The following COL18A1 variants were observed in gnomAD, a reference collection of about 807,000 sequenced individuals.
COL18A1 encodes collagen alpha-1(XVIII) chain.
Under a neutral mutation model 168.0 loss-of-function variants are expected in COL18A1, and 133 were observed. The ratio of observed to expected loss-of-function variants is 0.79; its 90% CI spans 0.69 to 0.91. The LOEUF is 0.91. Among genes scored for constraint, COL18A1 ranks in the 40% least tolerant of loss-of-function variants. The pLI is 0.00. For missense variants in COL18A1, 2,126 were observed against 1,925.4 expected, an observed-to-expected ratio of 1.10 and a Z score of -1.95; for synonymous variants, 949 against 809.0, an observed-to-expected ratio of 1.17 and a Z score of -2.94.
intron 2 of COL18A1, among the ~76,000 whole-genome samples, chr21:45,453,058 ATG>A (rs895831540): frequency 2.8e-4 from 43 of 151,866 alleles, no homozygotes; most frequent in African/African-American, 1.0e-3. Context: ...ATGTATGTAC[ATG>A]TGTGAGCTTG....
rs371774034 is a variant in COL18A1 at position 45,505,909 on chromosome 21, C to T, written c.3159C>T (p.Phe1053=). The T allele has an allele frequency of 1.1e-5, 18 of 1,612,868 alleles. No individual in the cohort carries two copies. The highest frequency in any genetic ancestry group is 5.5e-5 in the South Asian group (5 of 91,086). ...AGGTTCCCGAGGGCTGGCTCATCTT[C>T]GTGGCCGAGCAGGAGGAGCTCTACG... ...VHEVPEGWLI[F]VAEQEELYVR... is the part of the protein sequence containing the mutation. The change falls in exon 37 of 42, where the codon TTC becomes TTT. Residue 1053 remains phenylalanine (F), a synonymous_variant. Coordinates refer to ENST00000651438, the MANE Select transcript of COL18A1 (RefSeq NM_001379500.1).
chr21:45,501,360 C>G (rs79731198), intron 32 of COL18A1, among the ~76,000 whole-genome samples: 13 of 152,036 alleles, frequency 8.6e-5, no homozygotes, highest in Non-Finnish European at 1.8e-4. Context: ...GCGTCACCTG[C>G]GAAGGTCTCC....
At chr21:45,503,641 T>TG (rs922261574) in intron 32 of COL18A1, among the ~76,000 whole-genome samples, 46 of 54,872 alleles carry the variant, frequency 8.4e-4, no homozygotes, top group Non-Finnish European at 9.5e-4. Flanking sequence ...TGTTGTGGGG[T>TG]GGGGGGAGGG....
intron 38 of COL18A1, 136 bp downstream of exon 38, chr21:45,507,729 T>C (rs780558543): frequency 1.2e-6 from 1 of 832,774 alleles, no homozygotes. Flanking sequence ...CAGCCCCTGC[T>C]GCAGAAACTG....
At position 45,425,667 on chromosome 21, in the gene COL18A1, G is replaced by T. The variant is rs1300028392; in HGVS notation, c.106+20194G>T. Among the ~76,000 whole-genome samples the T allele has an allele frequency of 2.0e-5, 3 of 152,134 alleles. No homozygotes were observed. Among genetic ancestry groups the T allele is most frequent in the African/African-American group, 7.2e-5 (3 of 41,424 alleles). ...TCGTCCAGCCTCCCCGGCTCCTCAG[G>T]GGGAGGTTCGGGGCCTTTGGTCTCT... On this transcript the variant is annotated intron_variant, in intron 2 of 41. Coordinates refer to ENST00000651438, the MANE Select transcript of COL18A1 (RefSeq NM_001379500.1). This position sits in a 1 kb window ranked among gnomAD's most constrained non-coding sequence, Gnocchi z 4.1.
chr21:45,477,611 CG>C (rs1316148926), intron 7 of COL18A1, 124 bp downstream of exon 7: 1 of 1,269,148 alleles, frequency 7.9e-7, no homozygotes, highest in African/African-American at 1.5e-5. Flanking sequence ...GCCCAGCACT[CG>C]GTGCCAGCAT....
chr21:45,487,660 G>C lies in COL18A1; in HGVS notation c.1896+151G>C. 3.1e-6 allele frequency: 3 copies of C among 962,604 alleles called. No homozygotes were observed. The South Asian group carries it at 3.9e-5, about 12-fold the overall frequency. 59.6% of individuals were successfully genotyped at this position (962,604 alleles called of 1,614,324 possible). A position where few individuals can be genotyped will look rare whatever the true frequency, so the allele number is the denominator to read the frequency against. Reference sequence around the variant, plus strand: ...CCACGTGTGGCGGGCGCTGTGCCCCGCGGGCCACCCTTGTTCTTCGGAGAT... The same window carrying C: ...CCACGTGTGGCGGGCGCTGTGCCCCCCGGGCCACCCTTGTTCTTCGGAGAT... On this transcript the variant is annotated intron_variant, in intron 17 of 41. Transcript: ENST00000651438.
At chr21:45,494,427 C>A in intron 26 of COL18A1, 118 bp from the exon 27 acceptor site, 17 of 1,450,942 alleles carry the variant, frequency 1.2e-5, no homozygotes, top group Non-Finnish European at 1.5e-5. Context: ...CTTAGGGAGG[C>A]TATCAGGTGG....
intron 38 of COL18A1, among the ~76,000 whole-genome samples, chr21:45,508,713 A>G (rs1435041123): frequency 6.6e-6 from 1 of 152,062 alleles, no homozygotes; most frequent in African/African-American, 2.4e-5. Flanking sequence ...GCTCTCACTC[A>G]TTTGCTGATT....
Position 45,407,107 on chromosome 21 carries a change from C to G in COL18A1, c.106+1634C>G, listed in dbSNP as rs376585979. 1.4e-4 allele frequency among the ~76,000 whole-genome samples: 22 copies of G among 152,374 alleles called. No individual in the cohort carries two copies. The South Asian group carries it at 4.6e-3, about 32-fold the overall frequency. The stretch of plus-strand genomic sequence containing the variant: ...CACCCCTCCCCCAGCCCGGAGAGAA[C>G]TCAGGCTCCAGGCCACCCGCAGCCC... On this transcript the variant is annotated intron_variant, in intron 2 of 41. Transcript: ENST00000651438.
rs535817617 is a variant in COL18A1, at chr21:45,425,311, C to T, written c.106+19838C>T. ...TGTGTGTGCTGTGAGTGCAGTGTGACCGCGTCCACCTGTCTCCCTGGACAC... is the reference window on the plus strand; with the variant it reads ...TGTGTGTGCTGTGAGTGCAGTGTGATCGCGTCCACCTGTCTCCCTGGACAC... On this transcript the variant is annotated intron_variant, in intron 2 of 41. Transcript: ENST00000651438. The surrounding 1 kb of genome is among the most constrained non-coding windows in gnomAD (Gnocchi z 4.1). Among the ~76,000 whole-genome samples, 3 of 152,208 alleles carry T rather than the reference C, an allele frequency of 2.0e-5. No homozygotes were observed. The highest frequency in any genetic ancestry group is 2.1e-4 in the South Asian group (1 of 4,816).
chr21:45,455,625 G>A, intron 2 of COL18A1: 1 of 1,613,960 alleles, frequency 6.2e-7, no homozygotes. Flanking sequence ...AACTGGCTTT[G>A]GTTCAATAAT....
At chr21:45,406,051 C>T (rs1185759627) in intron 2 of COL18A1, among the ~76,000 whole-genome samples, 2 of 152,054 alleles carry the variant, frequency 1.3e-5, no homozygotes, top group African/African-American at 4.8e-5. Flanking sequence ...GAACAATGCC[C>T]AGAAGCCGCT....
At chr21:45,505,480 G>A in intron 36 of COL18A1, 49 bp downstream of exon 36, 4 of 971,154 alleles carry the variant, frequency 4.1e-6, no homozygotes, top group Non-Finnish European at 4.8e-6. Flanking sequence ...TGCCCTGGCT[G>A]GTTCTGCAGC....
intron 27 of COL18A1, 38 bp from the exon 28 acceptor site, chr21:45,494,824 G>A (rs1568926932): frequency 6.3e-6 from 10 of 1,580,396 alleles, no homozygotes; most frequent in Non-Finnish European, 8.6e-6. Flanking sequence ...CAAGGGCCAG[G>A]GTCTGCCCCA....
rs181267320 is a variant in COL18A1, at chr21:45,479,403, G to A, written c.1249-499G>A. Reference sequence around the variant, plus strand: ...GTGGACGCATGCACACATGCTACACGCACGTGCACACATCACACGTGGACA... The same window carrying A: ...GTGGACGCATGCACACATGCTACACACACGTGCACACATCACACGTGGACA... On this transcript the variant is annotated intron_variant, in intron 9 of 41. Coordinates refer to ENST00000651438, the MANE Select transcript of COL18A1 (RefSeq NM_001379500.1). Among the ~76,000 whole-genome samples, 850 of 150,438 alleles carry A rather than the reference G, an allele frequency of 5.7e-3. 3 individuals are homozygous for A. Among genetic ancestry groups the A allele is most frequent in the Non-Finnish European group, 8.8e-3 (592 of 67,546 alleles).
Position 45,473,506 on chromosome 21 carries a change from G to A in COL18A1, c.652-389G>A, listed in dbSNP as rs947550789. Among the ~76,000 whole-genome samples, 2 of 152,160 alleles carry A rather than the reference G, an allele frequency of 1.3e-5. No individual in the cohort carries two copies. The highest frequency in any genetic ancestry group is 2.9e-5 in the Non-Finnish European group (2 of 68,026). ...TGAGGCCGCCTGGTGCTTGCGTAAAGCTCCCGGGACTTGGGGTTGGGGGAC... is the reference window on the plus strand; with the variant it reads ...TGAGGCCGCCTGGTGCTTGCGTAAAACTCCCGGGACTTGGGGTTGGGGGAC... On this transcript the variant is annotated intron_variant, in intron 3 of 41. Coordinates refer to ENST00000651438, the MANE Select transcript of COL18A1 (RefSeq NM_001379500.1). This position sits in a 1 kb window ranked among gnomAD's most constrained non-coding sequence, Gnocchi z 4.0.
chr21:45,488,389 C>G, intron 17 of COL18A1, 29 bp from the exon 18 acceptor site: 2 of 1,613,776 alleles, frequency 1.2e-6, no homozygotes, highest in Admixed American at 3.3e-5. Flanking sequence ...TCCAGCTGCA[C>G]TAACACTGTG....
Position 45,482,774 on chromosome 21 carries a change from ATCCTGCTCTTT to A in COL18A1, c.1675-17_1675-7del. On this transcript the variant is annotated splice_polypyrimidine_tract_variant and intron_variant, in intron 14 of 41. Transcript: ENST00000651438. The stretch of plus-strand genomic sequence containing the variant: ...GTGCTGCAAGTCTGATTTTGTCATA[ATCCTGCTCTTT>A]TCCGTACAGGGTGAAGCAGGCGCCC... The A allele has an allele frequency of 6.2e-7, 1 of 1,614,158 alleles. No homozygotes were observed. The highest frequency in any genetic ancestry group is 8.5e-7 in the Non-Finnish European group (1 of 1,180,016).
Sources: allele counts gnomAD v4.1 joint callset (sites outside exome capture counted in the v4.1 genomes callset), GRCh38; gene constraint gnomAD v4.1.1; non-coding constraint Gnocchi (gnomAD v3.1); transcripts MANE v1.5; gene names NCBI Gene and HGNC (gene_info 2026-07-23, HGNC 2026-07-21).